RARB: variants seen among roughly 807,000 people sequenced by gnomAD.
RARB encodes the protein HBV-activated protein.
Under a neutral mutation model 51.9 loss-of-function variants are expected in RARB, and 17 were observed. The ratio of observed to expected loss-of-function variants is 0.33; its 90% CI spans 0.22 to 0.49. The LOEUF (loss-of-function observed/expected upper bound fraction) is 0.49. RARB is among the 20% of genes least tolerant of loss of function. The pLI is 0.99. For synonymous variants in RARB, 215 were observed against 195.4 expected (o/e 1.10, Z -0.84); for missense variants, 369 against 550.8 (o/e 0.67, Z 3.30).
intron 2 of RARB, among the ~76,000 whole-genome samples, chr3:25,468,396 T>A (rs796320880): frequency 3.2e-4 from 46 of 144,152 alleles, no homozygotes; most frequent in Non-Finnish European, 4.2e-4. Flanking sequence ...TTTTTTTTTT[T>A]AACCCATAGC....
chr3:24,866,133 G>A (rs1374672944), intron 2 of RARB, among the ~76,000 whole-genome samples: 1 of 152,032 alleles, frequency 6.6e-6, no homozygotes, highest in Non-Finnish European at 1.5e-5. Flanking sequence ...TAACTCCTAG[G>A]CTGACGTTCA....
chr3:25,586,395 C>T (rs978934350), intron 5 of RARB, among the ~76,000 whole-genome samples: 3 of 152,058 alleles, frequency 2.0e-5, no homozygotes, highest in Non-Finnish European at 2.9e-5. Context: ...TAGGGTTGGT[C>T]GCCGTGGCAG....
intron 3 of RARB, among the ~76,000 whole-genome samples, chr3:25,541,383 C>A (rs1355883612): frequency 6.6e-6 from 1 of 152,264 alleles, no homozygotes; most frequent in East Asian, 1.9e-4. Context: ...TTCGTTCTGA[C>A]CTTTACTCTC....
chr3:25,183,897 G>A (rs1456573342), intron 5 of RARB, among the ~76,000 whole-genome samples: 2 of 151,990 alleles, frequency 1.3e-5, no homozygotes, highest in African/African-American at 4.8e-5. Context: ...TTGGTGTCCT[G>A]GTCTTTATAT....
chr3:25,256,563 G>A (rs1702869574), intron 5 of RARB, among the ~76,000 whole-genome samples: 1 of 152,128 alleles, frequency 6.6e-6, no homozygotes, highest in South Asian at 2.1e-4. Context: ...ACCCTGTGCT[G>A]CAAAGTAGCC....
At chr3:25,005,591 C>A (rs894766905) in intron 2 of RARB, among the ~76,000 whole-genome samples, 26 of 152,134 alleles carry the variant, frequency 1.7e-4, no homozygotes, top group Admixed American at 3.3e-4. Context: ...AAGATGGAAG[C>A]CACAATATTG....
intron 5 of RARB, among the ~76,000 whole-genome samples, chr3:25,584,660 G>A (rs1478332745): frequency 6.6e-6 from 1 of 152,150 alleles, no homozygotes; most frequent in African/African-American, 2.4e-5. Context: ...CCTGGAGTGG[G>A]GCCTGTGATC....
At chr3:25,152,106 A>G (rs908123748) in intron 4 of RARB, among the ~76,000 whole-genome samples, 1 of 152,234 alleles carries the variant, frequency 6.6e-6, no homozygotes, top group African/African-American at 2.4e-5. Context: ...TAAAAAGCCT[A>G]TGAATTATTC....
intron 5 of RARB, among the ~76,000 whole-genome samples, chr3:25,356,822 T>C (rs7639318): frequency 0.015 from 2,271 of 152,306 alleles, 62 homozygotes; most frequent in African/African-American, 0.051. Flanking sequence ...GCTTCATCCA[T>C]GTCCCTGCAA....
chr3:25,568,023 T>A (rs1361943362), intron 3 of RARB, among the ~76,000 whole-genome samples: 1 of 152,022 alleles, frequency 6.6e-6, no homozygotes, highest in Admixed American at 6.6e-5. Context: ...ATACCCACTC[T>A]CACCCAGCGT....
At chr3:25,567,743 G>A (rs936577289) in intron 3 of RARB, among the ~76,000 whole-genome samples, 1 of 152,180 alleles carries the variant, frequency 6.6e-6, no homozygotes, top group Non-Finnish European at 1.5e-5. Context: ...TCGGGGCTCT[G>A]TTTCAGAAGG....
chr3:24,876,018 A>G (rs1288499541), intron 2 of RARB, among the ~76,000 whole-genome samples: 1 of 152,088 alleles, frequency 6.6e-6, no homozygotes, highest in African/African-American at 2.4e-5. Flanking sequence ...TTTGGATCTA[A>G]TAATTTCTTG....
chr3:25,077,608 C>T (rs1225637315), intron 3 of RARB, among the ~76,000 whole-genome samples: 1 of 151,894 alleles, frequency 6.6e-6, no homozygotes, highest in Non-Finnish European at 1.5e-5. Context: ...TGGTTATTTC[C>T]AGAGTGGGGT....
chr3:24,840,010 G>A (rs1041264222), intron 1 of RARB, among the ~76,000 whole-genome samples: 2 of 152,084 alleles, frequency 1.3e-5, no homozygotes, highest in African/African-American at 4.8e-5. Flanking sequence ...AAACTAATGA[G>A]ACTTTGAGTT....
intron 2 of RARB, among the ~76,000 whole-genome samples, chr3:24,993,325 T>C (rs964751714): frequency 6.6e-6 from 1 of 152,160 alleles, no homozygotes; most frequent in Non-Finnish European, 1.5e-5. Flanking sequence ...TCTAAACAAA[T>C]TGACTTATTA....
At chr3:24,994,810 T>A (rs1309551780) in intron 2 of RARB, among the ~76,000 whole-genome samples, 1 of 152,196 alleles carries the variant, frequency 6.6e-6, no homozygotes, top group Non-Finnish European at 1.5e-5. Context: ...TATAAATGGA[T>A]GGATTTGTAC....
chr3:25,542,928 G>A (rs1295612180), intron 3 of RARB, among the ~76,000 whole-genome samples: 1 of 152,200 alleles, frequency 6.6e-6, no homozygotes, highest in Non-Finnish European at 1.5e-5. Context: ...AGTTAGTGGT[G>A]GTGGTGGTAA....
chr3:24,927,380 C>A (rs73051208), intron 2 of RARB, among the ~76,000 whole-genome samples: 2 of 151,992 alleles, frequency 1.3e-5, no homozygotes, highest in African/African-American at 4.8e-5. Flanking sequence ...TAAGAAGCTA[C>A]AAATAATGAA....
intron 1 of RARB, among the ~76,000 whole-genome samples, chr3:24,846,504 G>A (rs1180652171): frequency 6.6e-6 from 1 of 152,168 alleles, no homozygotes; most frequent in African/African-American, 2.4e-5. Flanking sequence ...TTATCTATTT[G>A]CAGAAGGGAA....
Sources: gnomAD v4.1 joint callset for allele counts (sites outside exome capture counted in the v4.1 genomes callset) on GRCh38, gnomAD v4.1.1 for gene constraint, MANE v1.5 for transcripts, NCBI Gene and HGNC (gene_info 2026-07-23, HGNC 2026-07-21) for gene names.